The following ZNF536 variants were observed in gnomAD, a reference collection of about 807,000 sequenced individuals.
ZNF536 encodes zinc finger protein 536.
In ZNF536, 13 loss-of-function variants were observed where a neutral mutation model predicts 84.5. That is an observed-to-expected ratio of 0.15 (90% confidence interval 0.10 to 0.24). The LOEUF (loss-of-function observed/expected upper bound fraction) is 0.24, where lower values mean the gene tolerates loss of function less well. ZNF536 is among the 10% of genes least tolerant of loss of function. The pLI, the probability that ZNF536 is intolerant of heterozygous loss-of-function variation, is 1.00. For missense variants in ZNF536, 1,536 were observed against 1,747.5 expected (o/e 0.88, Z 2.16); for synonymous variants, 811 against 742.5 (o/e 1.09, Z -1.50).
intron 1 of ZNF536, among the ~76,000 whole-genome samples, chr19:30,406,315 G>T (rs149016798): frequency 1.7e-4 from 26 of 152,264 alleles, no homozygotes; most frequent in Non-Finnish European, 3.5e-4. Flanking sequence ...AGAGAGCGGA[G>T]TGTGGTTAAG....
intron 1 of ZNF536, among the ~76,000 whole-genome samples, chr19:30,709,771 T>A (rs1189500879): frequency 6.6e-6 from 1 of 152,116 alleles, no homozygotes; most frequent in Admixed American, 6.5e-5. Context: ...ACCACAGGCA[T>A]GTCCCTGGCT....
At chr19:30,507,695 G>A (rs369230450) in intron 2 of ZNF536, among the ~76,000 whole-genome samples, 52 of 152,232 alleles carry the variant, frequency 3.4e-4, no homozygotes, top group African/African-American at 1.2e-3. Context: ...AGAAGATAAG[G>A]CAAGTCAAAG....
chr19:30,616,655 A>G (rs945499386), intron 1 of ZNF536, among the ~76,000 whole-genome samples: 2 of 152,316 alleles, frequency 1.3e-5, no homozygotes, highest in Middle Eastern at 3.4e-3. Context: ...ACCATATTAT[A>G]TCACCTTCAA....
At chr19:30,287,003 T>C (rs2045653226) in intron 2 of ZNF536, among the ~76,000 whole-genome samples, 1 of 152,198 alleles carries the variant, frequency 6.6e-6, no homozygotes. Context: ...ATCCATCGTG[T>C]TATTTGGTGC....
At chr19:30,282,907 A>G (rs1479334491) in intron 1 of ZNF536, among the ~76,000 whole-genome samples, 1 of 152,240 alleles carries the variant, frequency 6.6e-6, no homozygotes, top group Non-Finnish European at 1.5e-5. Flanking sequence ...GTCTCAAGAT[A>G]GGCAGGTAGA....
chr19:30,580,298 G>A (rs779892711), intron 1 of ZNF536, among the ~76,000 whole-genome samples: 1 of 152,192 alleles, frequency 6.6e-6, no homozygotes, highest in Non-Finnish European at 1.5e-5. Context: ...TACAGGGAAG[G>A]GCCCATGCTG....
chr19:30,333,725 C>T (rs2146433551), intron 2 of ZNF536, among the ~76,000 whole-genome samples: 1 of 152,268 alleles, frequency 6.6e-6, no homozygotes, highest in South Asian at 2.1e-4. Context: ...CTAGGAACAC[C>T]CGTGCACCAG....
intron 3 of ZNF536, among the ~76,000 whole-genome samples, chr19:30,359,062 C>T (rs2048186473): frequency 6.6e-6 from 1 of 150,612 alleles, no homozygotes; most frequent in Non-Finnish European, 1.5e-5. Flanking sequence ...CCATCCATTG[C>T]AGCCGCCTAG....
chr19:30,465,650 G>A (rs1402973526), intron 2 of ZNF536, among the ~76,000 whole-genome samples: 2 of 152,172 alleles, frequency 1.3e-5, no homozygotes, highest in Non-Finnish European at 2.9e-5. Flanking sequence ...TGGTGCTTTG[G>A]GAGGCCAAGG....
chr19:30,338,483 G>GA (rs2047458608), intron 2 of ZNF536, among the ~76,000 whole-genome samples: 1 of 149,336 alleles, frequency 6.7e-6, no homozygotes, highest in Non-Finnish European at 1.5e-5. Flanking sequence ...AATGATGATA[G>GA]TGATGATGAT....
At chr19:30,349,123 C>T (rs1037019440) in intron 2 of ZNF536, among the ~76,000 whole-genome samples, 1 of 152,190 alleles carries the variant, frequency 6.6e-6, no homozygotes, top group Non-Finnish European at 1.5e-5. Context: ...GGCTTCAGTC[C>T]AGACTTCTTT....
chr19:30,700,364 T>G (rs1278265539), intron 1 of ZNF536, among the ~76,000 whole-genome samples: 1 of 141,646 alleles, frequency 7.1e-6, no homozygotes, highest in Non-Finnish European at 1.5e-5. Context: ...CCTTCCTTCC[T>G]TCCTCCTTTC....
At chr19:30,408,621 G>T (rs1002790754) in intron 1 of ZNF536, among the ~76,000 whole-genome samples, 2 of 152,168 alleles carry the variant, frequency 1.3e-5, no homozygotes, top group Non-Finnish European at 1.5e-5. Flanking sequence ...TGGAAGAAGG[G>T]TATCAAGGTG....
At chr19:30,304,979 A>G (rs962539234) in intron 2 of ZNF536, among the ~76,000 whole-genome samples, 7 of 152,224 alleles carry the variant, frequency 4.6e-5, no homozygotes, top group Admixed American at 1.3e-4. Context: ...TGGGGCAGAC[A>G]TCTCTTTTCC....
intron 2 of ZNF536, among the ~76,000 whole-genome samples, chr19:30,344,678 T>TA (rs1327473718): frequency 1.3e-5 from 2 of 150,850 alleles, no homozygotes; most frequent in African/African-American, 4.9e-5. Context: ...GGCAGGCCAT[T>TA]TTTTTTTAAA....
chr19:30,429,658 ATC>A (rs2147955482), intron 1 of ZNF536, among the ~76,000 whole-genome samples: 1 of 152,298 alleles, frequency 6.6e-6, no homozygotes, highest in Admixed American at 6.5e-5. Context: ...TTTCAGATCC[ATC>A]TGTCCTTTAG....
At chr19:30,536,766 G>T (rs1007422339) in intron 3 of ZNF536, among the ~76,000 whole-genome samples, 1 of 152,156 alleles carries the variant, frequency 6.6e-6, no homozygotes, top group African/African-American at 2.4e-5. Context: ...TGCAAGTGCT[G>T]GTTGCTTGGG....
chr19:30,650,322 C>T (rs1262696708), intron 1 of ZNF536, among the ~76,000 whole-genome samples: 1 of 152,198 alleles, frequency 6.6e-6, no homozygotes, highest in Non-Finnish European at 1.5e-5. Flanking sequence ...ATCAGATTGG[C>T]TCTCTTGGTG....
At chr19:30,379,923 G>A (rs982417681) in intron 1 of ZNF536, among the ~76,000 whole-genome samples, 3 of 152,162 alleles carry the variant, frequency 2.0e-5, no homozygotes, top group Non-Finnish European at 4.4e-5. Flanking sequence ...AAGTCCTGGC[G>A]AAGGAGCTGA....
Sources: gnomAD v4.1 joint callset for allele counts (sites outside exome capture counted in the v4.1 genomes callset) on GRCh38, gnomAD v4.1.1 for gene constraint, MANE v1.5 for transcripts, NCBI Gene and HGNC (gene_info 2026-07-23, HGNC 2026-07-21) for gene names.